Variants in SWT1 observed in about 807,000 individuals in gnomAD.
SWT1 encodes the protein SWT1 RNA endoribonuclease homolog, also known as transcriptional protein SWT1.
SWT1 carries 33 observed loss-of-function variants against 107.3 expected under a neutral mutation model. The observed-to-expected ratio is 0.31, with a 90% confidence interval of 0.23 to 0.41. The LOEUF is 0.41. Among genes scored for constraint, SWT1 ranks in the 10% least tolerant of loss-of-function variants. The pLI is 1.00. For missense variants in SWT1, 898 were observed against 1,028.9 expected (o/e 0.87, Z 1.74); for synonymous variants, 345 against 348.3 (o/e 0.99, Z 0.11).
intron 10 of SWT1, among the ~76,000 whole-genome samples, chr1:185,194,051 C>T (rs1423544177): frequency 1.3e-5 from 2 of 152,120 alleles, no homozygotes; most frequent in South Asian, 2.1e-4. Flanking sequence ...CTTTTTAGTT[C>T]TGACATCATT....
chr1:185,245,791 C>CA (rs1255616178), intron 16 of SWT1, among the ~76,000 whole-genome samples: 1 of 151,100 alleles, frequency 6.6e-6, no homozygotes, highest in Non-Finnish European at 1.5e-5. Context: ...TTTTTTGAGA[C>CA]AGAGTCTCAC....
At chr1:185,189,018 A>C (rs1018874448) in intron 9 of SWT1, among the ~76,000 whole-genome samples, 1 of 152,114 alleles carries the variant, frequency 6.6e-6, no homozygotes, top group African/African-American at 2.4e-5. Flanking sequence ...TCACCCTGTC[A>C]CCCAGGCTGG....
intron 2 of SWT1, among the ~76,000 whole-genome samples, chr1:185,164,558 C>G (rs1453906467): frequency 1.3e-5 from 2 of 152,204 alleles, no homozygotes; most frequent in African/African-American, 2.4e-5. Context: ...GTATAACTTG[C>G]TGTAGCTTCT....
intron 16 of SWT1, among the ~76,000 whole-genome samples, chr1:185,253,704 A>G (rs1288697351): frequency 2.0e-5 from 3 of 152,086 alleles, no homozygotes; most frequent in Admixed American, 1.3e-4. Flanking sequence ...TTTTCTAGAT[A>G]TACAATCATG....
Position 185,172,388 on chromosome 1 carries a change from CTT to C in SWT1, c.225-1981_225-1980del, listed in dbSNP as rs149302764. On this transcript the variant is annotated intron_variant, in intron 4 of 18. Coordinates refer to ENST00000367500, the MANE Select transcript of SWT1 (RefSeq NM_017673.7). ...TCAATATGTTTTATGTCACTGAAGA[CTT>C]TTCATAAACATCCTTTTAAAAAACT... Among the ~76,000 whole-genome samples, 204 of 152,252 alleles carry C rather than the reference CTT, an allele frequency of 1.3e-3. 2 individuals are homozygous for C. The highest frequency in any genetic ancestry group is 4.8e-3 in the African/African-American group (201 of 41,550).
intron 15 of SWT1, among the ~76,000 whole-genome samples, chr1:185,230,811 G>A (rs1461256195): frequency 1.3e-5 from 2 of 151,962 alleles, no homozygotes; most frequent in Non-Finnish European, 2.9e-5. Flanking sequence ...GCAGTGGCAC[G>A]ATGACAGCTC....
chr1:185,202,669 A>G lies in SWT1; in HGVS notation c.1539A>G (p.Leu513=). The part of the protein sequence containing the change: ...FVILCTDDRN[L]RNKGLISGVK... ...CCAACCTTAGGGATGATAGAAACTT[A>G]AGAAACAAAGGCCTAATAAGTGGTG... The change falls in exon 11 of 19, where the codon TTA becomes TTG. Residue 513 remains leucine, a synonymous_variant. Transcript: ENST00000367500. 1 of 1,607,502 alleles carries G rather than the reference A, an allele frequency of 6.2e-7. No homozygotes were observed. The highest frequency in any genetic ancestry group is 8.5e-7 in the Non-Finnish European group (1 of 1,177,334).
chr1:185,210,055 C>T (rs1238129745), intron 13 of SWT1, among the ~76,000 whole-genome samples: 1 of 152,142 alleles, frequency 6.6e-6, no homozygotes, highest in Non-Finnish European at 1.5e-5. Flanking sequence ...ATCCCTCGCC[C>T]ACTTTTTGAT....
chr1:185,242,605 A>T (rs1018714430), intron 16 of SWT1, among the ~76,000 whole-genome samples: 1 of 152,138 alleles, frequency 6.6e-6, no homozygotes, highest in African/African-American at 2.4e-5. Flanking sequence ...TCAGTTTTGG[A>T]TGACAGAGTT....
At chr1:185,245,992 TC>T (rs889552138) in intron 16 of SWT1, among the ~76,000 whole-genome samples, 1 of 152,104 alleles carries the variant, frequency 6.6e-6, no homozygotes, top group South Asian at 2.1e-4. Flanking sequence ...GGTCTTGAAT[TC>T]CTGACCTCAG....
intron 5 of SWT1, among the ~76,000 whole-genome samples, chr1:185,176,052 G>C (rs1259703260): frequency 1.3e-5 from 2 of 152,288 alleles, no homozygotes; most frequent in Admixed American, 1.3e-4. Flanking sequence ...TGTTTTGGGA[G>C]GCCCAGGCAG....
chr1:185,184,178 C>A, intron 7 of SWT1, 65 bp from the exon 8 acceptor site: 18 of 775,220 alleles, frequency 2.3e-5, no homozygotes, highest in East Asian at 2.8e-5. Flanking sequence ...TCTGTAATAT[C>A]AAAATTTTAG....
At chr1:185,196,619 A>G (rs528600206) in intron 10 of SWT1, among the ~76,000 whole-genome samples, 9 of 152,328 alleles carry the variant, frequency 5.9e-5, no homozygotes, top group African/African-American at 1.9e-4. Context: ...ATCCATGGGC[A>G]TGGAATGTTT....
At chr1:185,217,117 T>C (rs769183008) in intron 14 of SWT1, among the ~76,000 whole-genome samples, 2 of 152,222 alleles carry the variant, frequency 1.3e-5, no homozygotes, top group Non-Finnish European at 2.9e-5. Flanking sequence ...TTGGCTTTAG[T>C]GTGATTACTT....
At chr1:185,209,674 G>T (rs1028590698) in intron 13 of SWT1, among the ~76,000 whole-genome samples, 1 of 152,128 alleles carries the variant, frequency 6.6e-6, no homozygotes. Context: ...GAACAGTGCC[G>T]CAGTAAACAT....
intron 16 of SWT1, among the ~76,000 whole-genome samples, chr1:185,243,402 A>G (rs544237701): frequency 1.7e-4 from 26 of 152,232 alleles, no homozygotes; most frequent in African/African-American, 6.0e-4. Context: ...GAGCCACCAC[A>G]TCTGGCCTAG....
intron 14 of SWT1, among the ~76,000 whole-genome samples, chr1:185,215,334 A>G (rs1435345265): frequency 2.6e-5 from 4 of 152,018 alleles, no homozygotes; most frequent in African/African-American, 4.8e-5. Flanking sequence ...TTTCCCCAAG[A>G]TATTTCCATA....
chr1:185,219,659 G>C (rs534908992), intron 14 of SWT1, among the ~76,000 whole-genome samples: 2 of 152,144 alleles, frequency 1.3e-5, no homozygotes, highest in East Asian at 3.9e-4. Context: ...TGTACATTCT[G>C]TTAGGTACTT....
chr1:185,217,908 A>G (rs936945964), intron 14 of SWT1, among the ~76,000 whole-genome samples: 4 of 152,104 alleles, frequency 2.6e-5, no homozygotes, highest in Non-Finnish European at 5.9e-5. Context: ...TTATTTCATT[A>G]TATATTACAA....
Sources: allele counts gnomAD v4.1 joint callset (sites outside exome capture counted in the v4.1 genomes callset), GRCh38; gene constraint gnomAD v4.1.1; transcripts MANE v1.5; gene names NCBI Gene and HGNC (gene_info 2026-07-23, HGNC 2026-07-21).